WDR7: variants seen among roughly 807,000 people sequenced by gnomAD.
WDR7 encodes WD repeat-containing protein 7.
In WDR7, 46 loss-of-function variants were observed where a neutral mutation model predicts 169.4. The observed-to-expected ratio is 0.27, with a 90% CI of 0.21 to 0.35. The LOEUF (loss-of-function observed/expected upper bound fraction) is 0.35, where lower values mean the gene tolerates loss of function less well. Among genes scored for constraint, WDR7 ranks in the 10% least tolerant of loss-of-function variants. WDR7 has a pLI of 1.00. For synonymous variants in WDR7, 612 were observed against 666.8 expected, an observed-to-expected ratio of 0.92 and a Z score of 1.27; for missense variants, 1,534 against 1,859.3, an observed-to-expected ratio of 0.83 and a Z score of 3.22.
chr18:56,918,516 T>C (rs2046661963), intron 21 of WDR7, among the ~76,000 whole-genome samples: 1 of 152,190 alleles, frequency 6.6e-6, no homozygotes, highest in African/African-American at 2.4e-5. Context: ...TTTTTTTATT[T>C]TGTTTTTTAT....
chr18:56,841,544 TAAAAAA>T (rs760187510), intron 20 of WDR7, among the ~76,000 whole-genome samples: 4 of 121,100 alleles, frequency 3.3e-5, no homozygotes, highest in Non-Finnish European at 5.3e-5. Context: ...AGACTCTGTC[TAAAAAA>T]AAAAAAAAAA....
At chr18:56,936,755 C>T (rs2046966154) in intron 23 of WDR7, among the ~76,000 whole-genome samples, 1 of 152,060 alleles carries the variant, frequency 6.6e-6, no homozygotes, top group Admixed American at 6.6e-5. Context: ...GTCCTAATAG[C>T]ATTTTGTATA....
intron 19 of WDR7, among the ~76,000 whole-genome samples, chr18:56,797,102 G>T (rs2044597812): frequency 6.6e-6 from 1 of 152,110 alleles, no homozygotes; most frequent in Non-Finnish European, 1.5e-5. Context: ...CTCTGCTTCG[G>T]ATCACAGAGA....
chr18:56,808,968 A>C (rs1239880437), intron 19 of WDR7, among the ~76,000 whole-genome samples: 1 of 152,088 alleles, frequency 6.6e-6, no homozygotes, highest in Non-Finnish European at 1.5e-5. Flanking sequence ...AGGATCTCAT[A>C]GTCTTTCTTG....
intron 26 of WDR7, among the ~76,000 whole-genome samples, chr18:57,001,564 A>G (rs760484237): frequency 2.6e-5 from 4 of 152,208 alleles, no homozygotes; most frequent in Non-Finnish European, 4.4e-5. Context: ...GGTAAAATAC[A>G]CATAAAATAA....
intron 14 of WDR7, among the ~76,000 whole-genome samples, chr18:56,753,925 A>G (rs545230038): frequency 6.6e-6 from 1 of 152,066 alleles, no homozygotes; most frequent in South Asian, 2.1e-4. Flanking sequence ...ATTAAAATAT[A>G]TATTGATTAT....
At chr18:56,778,784 T>A (rs918451970) in intron 17 of WDR7, among the ~76,000 whole-genome samples, 28 of 152,222 alleles carry the variant, frequency 1.8e-4, no homozygotes, top group Non-Finnish European at 3.8e-4. Context: ...ATGTTTAAGA[T>A]TTTGTAAATT....
At chr18:56,742,597 A>G (rs2043637209) in intron 14 of WDR7, among the ~76,000 whole-genome samples, 1 of 152,226 alleles carries the variant, frequency 6.6e-6, no homozygotes, top group Non-Finnish European at 1.5e-5. Flanking sequence ...GAACCAAATG[A>G]ATAAGACATA....
intron 19 of WDR7, among the ~76,000 whole-genome samples, chr18:56,805,282 A>G (rs1294476533): frequency 3.9e-5 from 6 of 151,994 alleles, no homozygotes; most frequent in Admixed American, 3.9e-4. Flanking sequence ...ACTTCCTAAC[A>G]TGATGTAACT....
chr18:56,822,936 GGGA>G, intron 20 of WDR7, among the ~76,000 whole-genome samples: 1 of 152,118 alleles, frequency 6.6e-6, no homozygotes, highest in East Asian at 1.9e-4. Context: ...AAAAAAATCT[GGGA>G]GAAGAAACCG....
At chr18:57,021,321 G>A (rs2048286957) in intron 27 of WDR7, among the ~76,000 whole-genome samples, 1 of 152,192 alleles carries the variant, frequency 6.6e-6, no homozygotes, top group Non-Finnish European at 1.5e-5. Context: ...GAGGAATCGG[G>A]CAGGAGAAGC....
chr18:56,723,429 A>G (rs1033157478), intron 13 of WDR7, among the ~76,000 whole-genome samples: 4 of 151,812 alleles, frequency 2.6e-5, no homozygotes, highest in Non-Finnish European at 4.4e-5. Context: ...CAGCTTTTGC[A>G]TGTTTGAAAA....
chr18:56,767,940 G>T (rs2044092608), intron 16 of WDR7, among the ~76,000 whole-genome samples: 2 of 152,102 alleles, frequency 1.3e-5, no homozygotes, highest in Non-Finnish European at 2.9e-5. Flanking sequence ...ACGAATCAAT[G>T]GTGGGACGAT....
intron 12 of WDR7, among the ~76,000 whole-genome samples, chr18:56,699,481 A>T (rs1385981989): frequency 1.3e-5 from 2 of 152,250 alleles, no homozygotes; most frequent in Non-Finnish European, 2.9e-5. Context: ...ATAAATATTT[A>T]CCAAAAGTAA....
intron 25 of WDR7, among the ~76,000 whole-genome samples, chr18:56,953,047 C>T (rs1355543195): frequency 6.6e-6 from 1 of 152,076 alleles, no homozygotes; most frequent in Non-Finnish European, 1.5e-5. Context: ...TGTACAAAAC[C>T]AAGAGTGAAC....
At chr18:56,768,573 C>T (rs758003646) in intron 16 of WDR7, among the ~76,000 whole-genome samples, 2 of 151,976 alleles carry the variant, frequency 1.3e-5, no homozygotes, top group African/African-American at 2.4e-5. Flanking sequence ...CATAAATAAC[C>T]AATTTAGGGT....
At chr18:56,992,880 G>T (rs1466966002) in intron 26 of WDR7, among the ~76,000 whole-genome samples, 2 of 152,162 alleles carry the variant, frequency 1.3e-5, no homozygotes, top group African/African-American at 4.8e-5. Flanking sequence ...CCCAGGTCTG[G>T]ATAGTTGTTT....
chr18:56,800,204 C>T (rs2044649380), intron 19 of WDR7, among the ~76,000 whole-genome samples: 1 of 152,158 alleles, frequency 6.6e-6, no homozygotes, highest in African/African-American at 2.4e-5. Context: ...TGCTCCCTTA[C>T]TTAATTCAAC....
At chr18:56,752,371 A>G (rs1388287640) in intron 14 of WDR7, among the ~76,000 whole-genome samples, 1 of 152,072 alleles carries the variant, frequency 6.6e-6, no homozygotes, top group Non-Finnish European at 1.5e-5. Context: ...TACATCTTCC[A>G]TGCGGGTTTC....
Sources: gnomAD v4.1 joint callset for allele counts (sites outside exome capture counted in the v4.1 genomes callset) on GRCh38, gnomAD v4.1.1 for gene constraint, MANE v1.5 for transcripts, NCBI Gene and HGNC (gene_info 2026-07-23, HGNC 2026-07-21) for gene names.